The following ABCC1 variants were observed in gnomAD, a reference collection of about 807,000 sequenced individuals.
ABCC1 encodes multidrug resistance-associated protein 1.
A neutral mutation model predicts 172.9 loss-of-function variants in ABCC1; 83 were observed. The ratio of observed to expected loss-of-function variants is 0.48; its 90% CI spans 0.40 to 0.58. The LOEUF is 0.58. Ranked by LOEUF, ABCC1 falls within the 20% of genes least tolerant of loss-of-function variation. The pLI is 0.00. For missense variants in ABCC1, 1,817 were observed against 2,002.7 expected (o/e 0.91, Z 1.77); for synonymous variants, 937 against 825.2 (o/e 1.14, Z -2.32).
chr16:16,058,705 C>T (rs1372236669), intron 12 of ABCC1, among the ~76,000 whole-genome samples: 1 of 152,184 alleles, frequency 6.6e-6, no homozygotes, highest in Non-Finnish European at 1.5e-5. Flanking sequence ...GGTTGGATTG[C>T]TATGGCACTA....
chr16:16,035,023 A>T (rs1373564329), intron 6 of ABCC1, among the ~76,000 whole-genome samples: 3 of 152,208 alleles, frequency 2.0e-5, no homozygotes, highest in Non-Finnish European at 4.4e-5. Context: ...AGTTGAGTGA[A>T]TTCTTAGTAT....
intron 1 of ABCC1, among the ~76,000 whole-genome samples, chr16:15,999,764 C>CCTCTTTCTCT (rs2047185191): frequency 3.3e-5 from 1 of 30,762 alleles, no homozygotes; most frequent in Non-Finnish European, 6.8e-5. Context: ...CTGTGCCCGG[C>CCTCTTTCTCT]CTCTTTCTCT....
At chr16:16,028,817 A>G (rs1227067505) in intron 5 of ABCC1, among the ~76,000 whole-genome samples, 2 of 152,164 alleles carry the variant, frequency 1.3e-5, no homozygotes, top group Non-Finnish European at 2.9e-5. Context: ...AGGTGAAGGG[A>G]CTTGCCCAAG....
rs747688250 is a variant in ABCC1, at chr16:16,045,982, A to G, written c.1187A>G (p.Lys396Arg). The G allele has an allele frequency of 5.0e-6, 8 of 1,614,200 alleles. No individual in the cohort carries two copies. In the South Asian group the frequency reaches 7.7e-5, roughly 16 times the overall value. Residue 396 changes from lysine to arginine, a missense_variant, in exon 9 of 31, where the codon AAG (lysine) becomes AGG (arginine). Lys to Arg is a conservative substitution (Grantham distance 26). Around this residue, in one of 3 missense-constraint regions of ABCC1, gnomAD observed 1,412 missense variants for 1,600.3 expected, o/e 0.88. Coordinates refer to ENST00000399410, the MANE Select transcript of ABCC1 (RefSeq NM_004996.4). Reference protein sequence around the residue: ...HICFVSGMRIKTAVIGAVYRK... With the variant: ...HICFVSGMRIRTAVIGAVYRK... ...TGCTTCGTCAGTGGCATGAGGATCA[A>G]GACCGCTGTCATTGGGGCTGTCTAT...
At chr16:16,128,881 G>A (rs920932565) in intron 26 of ABCC1, among the ~76,000 whole-genome samples, 4 of 152,152 alleles carry the variant, frequency 2.6e-5, no homozygotes, top group Admixed American at 1.3e-4. Flanking sequence ...TATAATTCCA[G>A]CTACTTGGGA....
Position 16,141,383 on chromosome 16 carries a change from A to G in ABCC1, c.*102A>G, listed in dbSNP as rs2046121283. 9.4e-7 allele frequency: 1 copy of G among 1,062,042 alleles called. No homozygotes were observed. Among genetic ancestry groups the G allele is most frequent in the Middle Eastern group, 2.4e-4 (1 of 4,224 alleles). 65.8% of individuals were successfully genotyped at this position (1,062,042 alleles called of 1,614,324 possible). On this transcript the variant is annotated 3_prime_UTR_variant, in exon 31 of 31. Coordinates refer to ENST00000399410, the MANE Select transcript of ABCC1 (RefSeq NM_004996.4). ...AAACCAAGCCTCCCACACTGAAACC[A>G]AAACATAAAAACCAAACCCAGACAA...
In ABCC1 at chr16:16,132,510, G is replaced by GGTTTTTTTTTTTTTTTTTTTTTTTTT. The variant is rs1277380301; in HGVS notation, c.3966+575_3966+576insGTTTTTTTTTTTTTTTTTTTTTTTTT. ...TTCTTTTTTTGTTTTTTGGTTGGTT[G>GGTTTTTTTTTTTTTTTTTTTTTTTTT]TTTTTTTTTTTTTTTTTTTTTTTTT... On this transcript the variant is annotated intron_variant, in intron 27 of 30. Coordinates refer to ENST00000399410, the MANE Select transcript of ABCC1 (RefSeq NM_004996.4). 5.4e-5 allele frequency among the ~76,000 whole-genome samples: 2 copies of GGTTTTTTTTTTTTTTTTTTTTTTTTT among 37,298 alleles called. 1 individual carries two copies. The highest frequency in any genetic ancestry group is 9.9e-5 in the Non-Finnish European group (2 of 20,114). The allele number at this position is 37,298 out of a possible 152,430, so 24.5% of individuals were successfully genotyped here.
chr16:16,108,198 G>A (rs887868348), intron 21 of ABCC1, among the ~76,000 whole-genome samples: 4 of 151,184 alleles, frequency 2.6e-5, no homozygotes, highest in Non-Finnish European at 5.9e-5. Context: ...GAACATCAAA[G>A]CCAGGGGGCT....
At chr16:16,093,439 G>T (rs1247555074) in intron 19 of ABCC1, among the ~76,000 whole-genome samples, 2 of 152,032 alleles carry the variant, frequency 1.3e-5, no homozygotes, top group African/African-American at 4.8e-5. Context: ...AACATGGAAG[G>T]CTGCCAGATG....
intron 10 of ABCC1, among the ~76,000 whole-genome samples, chr16:16,049,263 CAGAG>C (rs1263037746): frequency 1.3e-5 from 2 of 152,166 alleles, no homozygotes; most frequent in African/African-American, 4.8e-5. Flanking sequence ...GAGTCAGTCT[CAGAG>C]AGCACTCTGA....
chr16:16,119,519 C>T (rs1447582416), intron 23 of ABCC1, among the ~76,000 whole-genome samples: 3 of 152,084 alleles, frequency 2.0e-5, no homozygotes, highest in East Asian at 3.9e-4. Context: ...GGTGAAACCC[C>T]ATCTCTACTA....
intron 7 of ABCC1, among the ~76,000 whole-genome samples, chr16:16,043,380 C>G (rs62031974): frequency 0.048 from 7,286 of 151,770 alleles, 191 homozygotes; most frequent in Middle Eastern, 0.13. Context: ...CTCACCACAA[C>G]CTCCGCCTCC....
rs116103078 is a variant in ABCC1, at chr16:16,117,634, G to T, written c.3390+2558G>T. ...AAAACTTTCAGTTGGGCCTAGGCAC[G>T]GTGGCTCACGCCTGTAACCCTACCC... On this transcript the variant is annotated intron_variant, in intron 23 of 30. Coordinates refer to ENST00000399410, the MANE Select transcript of ABCC1 (RefSeq NM_004996.4). Among the ~76,000 whole-genome samples, 470 of 152,286 alleles carry T rather than the reference G, an allele frequency of 3.1e-3. 2 individuals are homozygous for T. The highest frequency in any genetic ancestry group is 0.011 in the African/African-American group (443 of 41,552).
At chr16:16,081,021 C>G (rs1174551298) in intron 16 of ABCC1, among the ~76,000 whole-genome samples, 1 of 152,134 alleles carries the variant, frequency 6.6e-6, no homozygotes, top group Middle Eastern at 3.2e-3. Context: ...CCCACCATTA[C>G]TGCACCCGGC....
intron 6 of ABCC1, among the ~76,000 whole-genome samples, chr16:16,034,093 T>G (rs1032936839): frequency 6.0e-4 from 79 of 132,120 alleles, no homozygotes; most frequent in African/African-American, 2.1e-3. Context: ...AGCGGCACAC[T>G]TGTAGCTCAC....
At chr16:16,038,064 A>ATGGATGGATG (rs1567336690) in intron 7 of ABCC1, among the ~76,000 whole-genome samples, 1 of 113,332 alleles carries the variant, frequency 8.8e-6, no homozygotes, top group African/African-American at 4.4e-5. Context: ...ATGGATGGAT[A>ATGGATGGATG]GATGATAGAT....
At chr16:15,994,745 GCTTTTTTTCTTT>G (rs1000768313) in intron 1 of ABCC1, among the ~76,000 whole-genome samples, 38 of 151,908 alleles carry the variant, frequency 2.5e-4, no homozygotes, top group South Asian at 1.3e-3. Context: ...AGATTAATTA[GCTTTTTTTCTTT>G]CTTTTTTTCT....
chr16:16,040,337 G>C (rs1332689484), intron 7 of ABCC1, among the ~76,000 whole-genome samples: 1 of 151,676 alleles, frequency 6.6e-6, no homozygotes, highest in Non-Finnish European at 1.5e-5. Flanking sequence ...GCTTAGGCTG[G>C]AGTGCAGTGG....
At chr16:16,115,165 C>A in intron 23 of ABCC1, 89 bp downstream of exon 23, 1 of 1,362,526 alleles carries the variant, frequency 7.3e-7, no homozygotes. Flanking sequence ...CTTACCATGT[C>A]CCCAGTGTGG....
Sources: gnomAD v4.1 joint callset for allele counts (sites outside exome capture counted in the v4.1 genomes callset) on GRCh38, gnomAD v4.1.1 for gene constraint, gnomAD v4.1.1 regional missense constraint, MANE v1.5 for transcripts, NCBI Gene and HGNC (gene_info 2026-07-23, HGNC 2026-07-21) for gene names.